Variants in RBM33 observed in about 807,000 individuals in gnomAD.
RBM33 encodes RNA binding motif protein 33, also known as RNA-binding protein 33.
A neutral mutation model predicts 132.6 loss-of-function variants in RBM33; 28 were observed. The ratio of observed to expected loss-of-function variants is 0.21; its 90% CI spans 0.16 to 0.29. RBM33 has a LOEUF of 0.29. RBM33 is among the 10% of genes least tolerant of loss of function. The probability of loss-of-function intolerance (pLI) is 1.00; values close to 1 mark genes in which losing one functional copy is unlikely to be tolerated. For missense variants in RBM33, 1,291 were observed against 1,518.5 expected (o/e 0.85, Z 2.49); for synonymous variants, 634 against 593.0 (o/e 1.07, Z -1.01).
intron 1 of RBM33, among the ~76,000 whole-genome samples, chr7:155,662,720 T>G (rs1316015296): frequency 6.6e-6 from 1 of 152,080 alleles, no homozygotes; most frequent in East Asian, 1.9e-4. Flanking sequence ...TCCAGCAGTG[T>G]CTGTTCCATG....
intron 1 of RBM33, among the ~76,000 whole-genome samples, chr7:155,654,706 A>G (rs1003270828): frequency 5.3e-5 from 8 of 152,160 alleles, no homozygotes; most frequent in African/African-American, 1.9e-4. Flanking sequence ...CCCTCATCAC[A>G]TTGTGTATAT....
intron 1 of RBM33, among the ~76,000 whole-genome samples, chr7:155,663,267 G>A (rs1798706889): frequency 6.6e-6 from 1 of 151,310 alleles, no homozygotes; most frequent in Non-Finnish European, 1.5e-5. Context: ...ATTCTCACAG[G>A]GCTATAAAGA....
chr7:155,766,683 C>G, intron 16 of RBM33, 28 bp downstream of exon 16: 1 of 1,591,058 alleles, frequency 6.3e-7, no homozygotes, highest in Non-Finnish European at 8.6e-7. Flanking sequence ...GCATCTGTGC[C>G]ACGGGTAGTT....
chr7:155,729,089 C>CAGGAGG (rs200868533), intron 9 of RBM33, among the ~76,000 whole-genome samples: 4,636 of 152,258 alleles, frequency 0.03, 90 homozygotes, highest in Middle Eastern at 0.058. Flanking sequence ...ACAATCATGA[C>CAGGAGG]AGGAGGCAAA....
chr7:155,679,883 T>C (rs998295061), intron 4 of RBM33, among the ~76,000 whole-genome samples: 2 of 152,254 alleles, frequency 1.3e-5, no homozygotes, highest in African/African-American at 4.8e-5. Context: ...TGGGAAATGT[T>C]ATCTTGCACC....
chr7:155,723,826 A>C (rs2178429), intron 9 of RBM33, among the ~76,000 whole-genome samples: 2,477 of 152,322 alleles, frequency 0.016, 60 homozygotes, highest in African/African-American at 0.055. Flanking sequence ...AGTATGTGAT[A>C]AACTATAGTT....
At chr7:155,677,998 T>C (rs1799231922) in intron 3 of RBM33, among the ~76,000 whole-genome samples, 1 of 152,146 alleles carries the variant, frequency 6.6e-6, no homozygotes, top group African/African-American at 2.4e-5. Context: ...TGCTCAAATA[T>C]ATATAACCTA....
chr7:155,653,812 A>G (rs1798420675), intron 1 of RBM33, among the ~76,000 whole-genome samples: 1 of 152,146 alleles, frequency 6.6e-6, no homozygotes, highest in Non-Finnish European at 1.5e-5. Context: ...TAGTAATAGC[A>G]ATGGGGGGAG....
rs191385944 is a variant in RBM33, at chr7:155,687,831, C to T, written c.567+6923C>T. Reference sequence around the variant, plus strand: ...GAGGGCTCTGTTCTGTTCCATTTGTCGGTATCTCTGTTTTGGTACCAGTAC... The same window carrying T: ...GAGGGCTCTGTTCTGTTCCATTTGTTGGTATCTCTGTTTTGGTACCAGTAC... On this transcript the variant is annotated intron_variant, in intron 5 of 17. Coordinates refer to ENST00000401878, the MANE Select transcript of RBM33 (RefSeq NM_053043.3). Among the ~76,000 whole-genome samples the T allele has an allele frequency of 2.3e-3, 353 of 152,270 alleles. 1 individual carries two copies. Among genetic ancestry groups the T allele is most frequent in the African/African-American group, 7.7e-3 (320 of 41,542 alleles).
At chr7:155,727,075 G>A (rs1385852326) in intron 9 of RBM33, among the ~76,000 whole-genome samples, 1 of 152,218 alleles carries the variant, frequency 6.6e-6, no homozygotes, top group African/African-American at 2.4e-5. Context: ...AGAAAACTTA[G>A]TTAACAGTGA....
Position 155,745,712 on chromosome 7 carries a change from G to A in RBM33, c.2979+110G>A. The A allele has an allele frequency of 9.2e-7, 1 of 1,083,524 alleles. No individual in the cohort carries two copies. Among genetic ancestry groups the A allele is most frequent in the African/African-American group, 1.6e-5 (1 of 62,766 alleles). The allele number at this position is 1,083,524 out of a possible 1,614,324, so 67.1% of individuals were successfully genotyped here. A position where few individuals can be genotyped will look rare whatever the true frequency, so the allele number is the denominator to read the frequency against. ...AGAATTAAAAGTTACCTCTGTTATA[G>A]TCTTGTAACCAATCTCTACCTACTT... On this transcript the variant is annotated intron_variant, in intron 14 of 17. Transcript: ENST00000401878. The surrounding 1 kb of genome is among the most constrained non-coding windows in gnomAD (Gnocchi z 4.1).
intron 14 of RBM33, among the ~76,000 whole-genome samples, chr7:155,754,163 A>AT (rs1418200546): frequency 3.3e-5 from 5 of 152,168 alleles, no homozygotes; most frequent in African/African-American, 1.2e-4. Flanking sequence ...TTAATTTATG[A>AT]TTTTTTTAGG....
At chr7:155,673,763 T>TGCGCGCGC (rs1491204659) in intron 3 of RBM33, among the ~76,000 whole-genome samples, 4 of 39,308 alleles carry the variant, frequency 1.0e-4, no homozygotes, top group African/African-American at 2.6e-4. Context: ...TACGCGCGCA[T>TGCGCGCGC]GCGCGCACAC....
chr7:155,654,467 G>C (rs940737095), intron 1 of RBM33, among the ~76,000 whole-genome samples: 2 of 151,780 alleles, frequency 1.3e-5, no homozygotes. Context: ...TTCTTACGTT[G>C]CTTTTCTAGT....
At chr7:155,673,631 CATAT>C (rs1214283644) in intron 3 of RBM33, among the ~76,000 whole-genome samples, 4 of 26,020 alleles carry the variant, frequency 1.5e-4, no homozygotes, top group Middle Eastern at 0.016. Flanking sequence ...TATATACACA[CATAT>C]ACATACACAC....
chr7:155,656,268 A>G (rs1823539300), intron 1 of RBM33, among the ~76,000 whole-genome samples: 2 of 152,244 alleles, frequency 1.3e-5, no homozygotes, highest in Admixed American at 6.5e-5. Flanking sequence ...TTGGAGTACT[A>G]CATAAATCAG....
chr7:155,684,821 A>G (rs1170275124), intron 5 of RBM33: 5 of 1,217,292 alleles, frequency 4.1e-6, no homozygotes, highest in South Asian at 3.2e-5. Context: ...GCTAATCACC[A>G]TAGTAAAACT....
intron 2 of RBM33, among the ~76,000 whole-genome samples, chr7:155,667,480 C>G (rs1029555200): frequency 6.6e-6 from 1 of 152,102 alleles, no homozygotes; most frequent in Non-Finnish European, 1.5e-5. Flanking sequence ...CTTTATACCC[C>G]CAAAAGAATT....
intron 14 of RBM33, among the ~76,000 whole-genome samples, chr7:155,758,268 A>T (rs1485614201): frequency 6.6e-6 from 1 of 152,200 alleles, no homozygotes; most frequent in Non-Finnish European, 1.5e-5. Context: ...TCCATTATAA[A>T]GTTTTATGAT....
Sources: gnomAD v4.1 joint callset for allele counts (sites outside exome capture counted in the v4.1 genomes callset) on GRCh38, gnomAD v4.1.1 for gene constraint, Gnocchi (gnomAD v3.1) non-coding constraint, MANE v1.5 for transcripts, NCBI Gene and HGNC (gene_info 2026-07-23, HGNC 2026-07-21) for gene names.